Variants in CFH observed in about 807,000 individuals in gnomAD.
CFH encodes the protein complement factor H, also known as H factor 1 (complement).
Under a neutral mutation model 147.3 loss-of-function variants are expected in CFH, and 53 were observed. The ratio of observed to expected loss-of-function variants is 0.36; its 90% CI spans 0.29 to 0.45. The LOEUF is 0.45. CFH is among the 20% of genes least tolerant of loss of function. The probability of loss-of-function intolerance (pLI) is 1.00; values close to 1 mark genes in which losing one functional copy is unlikely to be tolerated. For synonymous variants in CFH, 536 were observed against 489.4 expected (o/e 1.10, Z -1.26); for missense variants, 1,380 against 1,498.0 (o/e 0.92, Z 1.30).
intron 4 of CFH, 21 bp downstream of exon 4, chr1:196,676,086 C>T (rs1028557096): frequency 1.4e-6 from 2 of 1,415,064 alleles, no homozygotes; most frequent in Non-Finnish European, 2.0e-6. Flanking sequence ...AATGTATTTA[C>T]AAGTATATTG....
chr1:196,654,523 C>A (rs1666617683), intron 1 of CFH, among the ~76,000 whole-genome samples: 2 of 152,086 alleles, frequency 1.3e-5, no homozygotes, highest in Admixed American at 6.5e-5. Context: ...ATAACAGTTT[C>A]TCAATCGTAC....
intron 1 of CFH, among the ~76,000 whole-genome samples, chr1:196,658,407 ATTTTTTTT>A (rs549213437): frequency 4.3e-5 from 4 of 92,276 alleles, no homozygotes; most frequent in African/African-American, 1.0e-4. Context: ...TGCTCAGGTA[ATTTTTTTT>A]TTTTTTTTTT....
At chr1:196,682,636 A>G (rs1485660998) in intron 6 of CFH, among the ~76,000 whole-genome samples, 1 of 151,604 alleles carries the variant, frequency 6.6e-6, no homozygotes, top group Non-Finnish European at 1.5e-5. Flanking sequence ...TTTAATGGGT[A>G]TATGAAAATA....
intron 19 of CFH, among the ~76,000 whole-genome samples, chr1:196,743,064 A>G (rs932557496): frequency 1.1e-4 from 17 of 152,290 alleles, no homozygotes; most frequent in African/African-American, 4.1e-4. Flanking sequence ...AAAATCTGGT[A>G]TCACATAATC....
chr1:196,742,154 C>A lies in CFH; in HGVS notation c.3133+103C>A, dbSNP rs986745988. ...CTTTGGGAGGCCGAGGTGGGCGGAT[C>A]ACTTGAGGTCAGGAGTTCGAGACCA... On this transcript the variant is annotated intron_variant, in intron 19 of 21. Transcript: ENST00000367429. 44 of 1,067,756 alleles carry A rather than the reference C, an allele frequency of 4.1e-5. No homozygotes were observed. The Admixed American group carries it at 4.4e-4, about 11-fold the overall frequency. 66.1% of individuals were successfully genotyped at this position (1,067,756 alleles called of 1,614,324 possible).
intron 20 of CFH, among the ~76,000 whole-genome samples, 168 bp downstream of exon 20, chr1:196,743,796 G>T (rs1652902144): frequency 6.6e-6 from 1 of 152,004 alleles, no homozygotes; most frequent in Non-Finnish European, 1.5e-5. Flanking sequence ...CAAGTAATAG[G>T]GTATATTATT....
chr1:196,660,121 A>G (rs2149069153), intron 1 of CFH, among the ~76,000 whole-genome samples: 1 of 152,302 alleles, frequency 6.6e-6, no homozygotes, highest in Admixed American at 6.5e-5. Context: ...TGAGTGGATC[A>G]CTTTGAGGAC....
intron 10 of CFH, among the ~76,000 whole-genome samples, 174 bp downstream of exon 10, chr1:196,714,091 T>C (rs1668788698): frequency 6.6e-6 from 1 of 152,110 alleles, no homozygotes; most frequent in East Asian, 1.9e-4. Flanking sequence ...ACTCAGATAT[T>C]AGTCTGTCTT....
chr1:196,692,959 G>A (rs1452666340), intron 9 of CFH, among the ~76,000 whole-genome samples: 2 of 128,536 alleles, frequency 1.6e-5, no homozygotes, highest in Non-Finnish European at 3.2e-5. Flanking sequence ...AAGTTTGTCT[G>A]GCTCAAGTTA....
At chr1:196,661,978 C>A (rs1427831084) in intron 1 of CFH, among the ~76,000 whole-genome samples, 3 of 152,134 alleles carry the variant, frequency 2.0e-5, no homozygotes, top group Non-Finnish European at 4.4e-5. Flanking sequence ...GGCAGGTAGT[C>A]AGAAAAGGAA....
In CFH at chr1:196,679,776, C is replaced by G; in HGVS notation, c.773C>G (p.Pro258Arg). The G allele has an allele frequency of 6.2e-7, 1 of 1,610,726 alleles. No individual in the cohort carries two copies. Among genetic ancestry groups the G allele is most frequent in the Non-Finnish European group, 8.5e-7 (1 of 1,178,008 alleles). ...DAVCTESGWR[P>R]LPSCEEKSCD... Reference sequence around the variant, plus strand: ...GTATGCACTGAATCTGGATGGCGTCCGTTGCCTTCATGTGAAGGTAATGTT... The same window carrying G: ...GTATGCACTGAATCTGGATGGCGTCGGTTGCCTTCATGTGAAGGTAATGTT... Residue 258 changes from proline (P) to arginine (R), a missense_variant, in exon 6 of 22, where the codon CCG (proline) becomes CGG (arginine). By Grantham distance (103) the Pro-to-Arg change is moderately radical (BLOSUM62 -2). Transcript: ENST00000367429.
intron 1 of CFH, 34 bp downstream of exon 1, chr1:196,652,209 T>C (rs762845510): frequency 2.0e-6 from 3 of 1,503,636 alleles, no homozygotes; most frequent in Non-Finnish European, 2.8e-6. Flanking sequence ...CTGAAAACTG[T>C]ATTATGAAAC....
At chr1:196,723,958 G>A (rs549217246) in intron 11 of CFH, among the ~76,000 whole-genome samples, 2 of 152,006 alleles carry the variant, frequency 1.3e-5, no homozygotes, top group Admixed American at 6.6e-5. Context: ...CTCTACATCC[G>A]TGCCCAAGCG....
intron 1 of CFH, among the ~76,000 whole-genome samples, chr1:196,655,606 C>T (rs191287848): frequency 1.3e-4 from 20 of 152,216 alleles, no homozygotes; most frequent in East Asian, 3.9e-4. Flanking sequence ...GCTTAATCCT[C>T]GATTGTTTAT....
Position 196,705,524 on chromosome 1 carries a change from A to G in CFH, c.1337-8211A>G, listed in dbSNP as rs534709576. 2.6e-5 allele frequency among the ~76,000 whole-genome samples: 4 copies of G among 152,328 alleles called. No individual in the cohort carries two copies. The East Asian group carries it at 7.7e-4, about 29-fold the overall frequency. ...AGGCCTTTCTAACCATTAAGTAAAA[A>G]TTACTAATGGATCTGGCTACTGAGA... On this transcript the variant is annotated intron_variant, in intron 9 of 21. Transcript: ENST00000367429.
At chr1:196,653,923 A>T (rs930942116) in intron 1 of CFH, among the ~76,000 whole-genome samples, 1 of 152,116 alleles carries the variant, frequency 6.6e-6, no homozygotes, top group Non-Finnish European at 1.5e-5. Flanking sequence ...ATAAAAGCAC[A>T]TGTAATGCAA....
intron 9 of CFH, among the ~76,000 whole-genome samples, chr1:196,692,188 G>T (rs1416108228): frequency 1.3e-5 from 2 of 152,096 alleles, no homozygotes; most frequent in Non-Finnish European, 2.9e-5. Flanking sequence ...GGAGTGCAAT[G>T]TCGCGATCTC....
Position 196,677,668 on chromosome 1 carries a change from G to A in CFH, c.619+1G>A. 5 of 1,610,078 alleles carry A rather than the reference G, an allele frequency of 3.1e-6. No homozygotes were observed. Among genetic ancestry groups the A allele is most frequent in the Non-Finnish European group, 4.2e-6 (5 of 1,176,680 alleles). On this transcript the variant is annotated splice_donor_variant, in intron 5 of 21. Transcript: ENST00000367429. LOFTEE classifies it high-confidence loss of function. ...AGTAAAGAGAAACCAAAGTGTGTGG[G>A]TAAGATACACTTACTGTTTTAGTAT...
chr1:196,737,157 C>A, intron 16 of CFH, 151 bp downstream of exon 16: 1 of 720,758 alleles, frequency 1.4e-6, no homozygotes, highest in Admixed American at 2.8e-5. Flanking sequence ...AATCAATCAC[C>A]ACTCTTTCAG....
Sources: allele counts gnomAD v4.1 joint callset (sites outside exome capture counted in the v4.1 genomes callset), GRCh38; gene constraint gnomAD v4.1.1; transcripts MANE v1.5; gene names NCBI Gene and HGNC (gene_info 2026-07-23, HGNC 2026-07-21).